Variants in PKHD1 observed in about 807,000 individuals in gnomAD.
The protein encoded by PKHD1 is fibrocystin.
Under a neutral mutation model 412.0 loss-of-function variants are expected in PKHD1, and 291 were observed. That is an observed-to-expected ratio of 0.71 (90% CI 0.64 to 0.78). The LOEUF is 0.78. PKHD1 is among the 30% of genes least tolerant of loss of function. The pLI is 0.00. For synonymous variants in PKHD1, 1,777 were observed against 1,821.5 expected, an observed-to-expected ratio of 0.98 and a Z score of 0.62; for missense variants, 4,825 against 4,950.7, an observed-to-expected ratio of 0.97 and a Z score of 0.76.
chr6:52,000,423 T>C (rs553233173), intron 35 of PKHD1, among the ~76,000 whole-genome samples: 3 of 152,290 alleles, frequency 2.0e-5, no homozygotes, highest in African/African-American at 7.2e-5. Context: ...AATGTAAGCA[T>C]TATACTCCTA....
At chr6:52,055,548 C>T in intron 19 of PKHD1, 39 bp downstream of exon 19, 1 of 1,611,444 alleles carries the variant, frequency 6.2e-7, no homozygotes, top group Non-Finnish European at 8.5e-7. Context: ...ATACCAATAC[C>T]TACCCACCTG....
At chr6:51,627,154 G>GATAAAAAGAACATT in intron 65 of PKHD1, 38 bp from the exon 66 acceptor site, 7 of 1,599,580 alleles carry the variant, frequency 4.4e-6, no homozygotes, top group Non-Finnish European at 5.1e-6. Flanking sequence ...TTTTTGTTCA[G>GATAAAAAGAACATT]TTGTAAGTGG....
intron 31 of PKHD1, among the ~76,000 whole-genome samples, chr6:52,027,203 C>T (rs956388266): frequency 1.3e-5 from 2 of 152,102 alleles, no homozygotes; most frequent in Non-Finnish European, 2.9e-5. Context: ...AGAGTGTCAC[C>T]CATCAGACGT....
At chr6:51,675,186 A>G (rs1420118137) in intron 60 of PKHD1, among the ~76,000 whole-genome samples, 1 of 152,112 alleles carries the variant, frequency 6.6e-6, no homozygotes, top group African/African-American at 2.4e-5. Context: ...CACATTAACT[A>G]CTTAAGAGGG....
chr6:51,792,130 A>G lies in PKHD1; in HGVS notation c.8303-757T>C, dbSNP rs374769934. Among the ~76,000 whole-genome samples, 60 of 152,330 alleles carry G rather than the reference A, an allele frequency of 3.9e-4. 2 individuals carry two copies. In the South Asian group the frequency reaches 0.012, roughly 31 times the overall value. Reference sequence around the variant, plus strand: ...CCCCTTTCATAAAAGCAGTCTTCATATAACTTCAGAAGAAATAATCATAGC... The same window carrying G: ...CCCCTTTCATAAAAGCAGTCTTCATGTAACTTCAGAAGAAATAATCATAGC... On this transcript the variant is annotated intron_variant, in intron 52 of 66. Transcript: ENST00000371117.
At chr6:52,059,832 A>C in intron 15 of PKHD1, 96 bp downstream of exon 15, 1 of 741,476 alleles carries the variant, frequency 1.3e-6, no homozygotes, top group Non-Finnish European at 2.5e-6. Flanking sequence ...ATGTTAAACT[A>C]TCTGTAAAAC....
At chr6:51,987,588 A>G (rs1031692986) in intron 35 of PKHD1, among the ~76,000 whole-genome samples, 1 of 152,224 alleles carries the variant, frequency 6.6e-6, no homozygotes, top group Non-Finnish European at 1.5e-5. Flanking sequence ...CTTGTCTCAA[A>G]AATAATAAAA....
chr6:51,719,942 T>C (rs1021652193), intron 60 of PKHD1, among the ~76,000 whole-genome samples: 3 of 152,196 alleles, frequency 2.0e-5, no homozygotes, highest in Non-Finnish European at 4.4e-5. Flanking sequence ...GAGATTTTAC[T>C]ATGCATATTT....
At chr6:51,870,427 A>G in intron 47 of PKHD1, 77 bp downstream of exon 47, 1 of 1,171,454 alleles carries the variant, frequency 8.5e-7, no homozygotes, top group Non-Finnish European at 1.3e-6. Flanking sequence ...TGATTCACAA[A>G]GTATTTGCCA....
intron 46 of PKHD1, 66 bp downstream of exon 46, chr6:51,883,026 CA>C: frequency 8.1e-7 from 1 of 1,235,066 alleles, no homozygotes; most frequent in Non-Finnish European, 1.2e-6. Context: ...CCTGGATCAT[CA>C]GGGGGCCCAG....
chr6:51,752,696 G>A (rs1291470243), intron 57 of PKHD1, among the ~76,000 whole-genome samples: 1 of 152,154 alleles, frequency 6.6e-6, no homozygotes, highest in Non-Finnish European at 1.5e-5. Context: ...AAGAAACGAG[G>A]TCCTAATCAA....
intron 46 of PKHD1, among the ~76,000 whole-genome samples, chr6:51,880,779 TAAAAAAA>T (rs71544105): frequency 6.7e-5 from 2 of 30,036 alleles, no homozygotes; most frequent in Admixed American, 8.5e-4. Flanking sequence ...AAAAAAAAAT[TAAAAAAA>T]AAAAAAAAAA....
intron 44 of PKHD1, 85 bp from the exon 45 acceptor site, chr6:51,886,057 G>T: frequency 1.2e-6 from 1 of 844,866 alleles, no homozygotes; most frequent in Non-Finnish European, 2.0e-6. Context: ...CAAAGTAAAA[G>T]TAATGTATTA....
chr6:51,932,318 GGAAT>G (rs1361559394), intron 37 of PKHD1, among the ~76,000 whole-genome samples: 4 of 152,170 alleles, frequency 2.6e-5, no homozygotes, highest in African/African-American at 9.7e-5. Context: ...AGATGAGCTT[GGAAT>G]GAAAGAGGCA....
At chr6:52,065,572 G>A (rs137914347) in intron 12 of PKHD1, among the ~76,000 whole-genome samples, 13 of 152,216 alleles carry the variant, frequency 8.5e-5, no homozygotes, top group African/African-American at 1.7e-4. Context: ...GTTGGGGTGC[G>A]GGGGATTTCC....
intron 54 of PKHD1, among the ~76,000 whole-genome samples, chr6:51,773,253 T>C (rs1035284042): frequency 6.6e-6 from 1 of 151,996 alleles, no homozygotes; most frequent in African/African-American, 2.4e-5. Flanking sequence ...CTGGACTTAA[T>C]ATTTTGTCTT....
Position 51,780,683 on chromosome 6 carries a change from T to C in PKHD1, c.8441-4762A>G, listed in dbSNP as rs566728331. Among the ~76,000 whole-genome samples the C allele has an allele frequency of 2.6e-5, 4 of 152,276 alleles. 1 individual carries two copies. The South Asian group carries it at 8.3e-4, about 32-fold the overall frequency. The stretch of plus-strand genomic sequence containing the variant: ...TATCCAGTAGACTGGATTTATAATG[T>C]TTAATTAAGCATATATTTTTCATTT... On this transcript the variant is annotated intron_variant, in intron 53 of 66. Transcript: ENST00000371117.
At chr6:51,829,399 C>T (rs955149287) in intron 52 of PKHD1, among the ~76,000 whole-genome samples, 2 of 152,084 alleles carry the variant, frequency 1.3e-5, no homozygotes, top group African/African-American at 4.8e-5. Context: ...AGCTTGGCAA[C>T]CTTCAAAAGC....
intron 37 of PKHD1, among the ~76,000 whole-genome samples, chr6:51,928,103 T>A (rs762030024): frequency 7.2e-5 from 11 of 152,094 alleles, no homozygotes; most frequent in Non-Finnish European, 1.3e-4. Flanking sequence ...ACCTGCCCCA[T>A]ACTGACAATA....
Sources: gnomAD v4.1 joint callset for allele counts (sites outside exome capture counted in the v4.1 genomes callset) on GRCh38, gnomAD v4.1.1 for gene constraint, MANE v1.5 for transcripts, NCBI Gene and HGNC (gene_info 2026-07-23, HGNC 2026-07-21) for gene names.